The following COL21A1 variants were observed in gnomAD, a reference collection of about 807,000 sequenced individuals.
COL21A1 encodes collagen type XXI alpha 1 chain.
COL21A1 carries 149 observed loss-of-function variants against 137.9 expected under a neutral mutation model. The observed-to-expected ratio is 1.08, with a 90% CI of 0.95 to 1.24. The LOEUF (loss-of-function observed/expected upper bound fraction) is 1.24, where lower values mean the gene tolerates loss of function less well. COL21A1 is among the 50% of genes most tolerant of loss of function. The probability of loss-of-function intolerance (pLI) is 0.00; values close to 1 mark genes in which losing one functional copy is unlikely to be tolerated. For synonymous variants in COL21A1, 456 were observed against 391.5 expected (o/e 1.16, Z -1.95); for missense variants, 1,167 against 1,158.4 (o/e 1.01, Z -0.11).
At chr6:56,376,875 T>C (rs1441923870) in intron 1 of COL21A1, among the ~76,000 whole-genome samples, 2 of 118,878 alleles carry the variant, frequency 1.7e-5, no homozygotes, top group Admixed American at 2.3e-4. Flanking sequence ...CAACTGTCTA[T>C]AGAAAAAAAT....
intron 12 of COL21A1, among the ~76,000 whole-genome samples, chr6:56,130,278 TTA>T (rs142006916): frequency 2.0e-5 from 3 of 147,294 alleles, no homozygotes; most frequent in East Asian, 2.0e-4. Flanking sequence ...TACATGTATA[TTA>T]TATATATATA....
Position 56,124,220 on chromosome 6 carries a change from T to G in COL21A1, c.1704+19A>C, listed in dbSNP as rs1250854630. ...TTATTTAAAGCAAAATACTAAGAGCTTTTTTCTATCAAACTCACAGCAGGT... is the reference window on the plus strand; with the variant it reads ...TTATTTAAAGCAAAATACTAAGAGCGTTTTTCTATCAAACTCACAGCAGGT... On this transcript the variant is annotated intron_variant, in intron 15 of 29. Transcript: ENST00000244728. The G allele has an allele frequency of 6.3e-7, 1 of 1,583,978 alleles. No individual in the cohort carries two copies. The highest frequency in any genetic ancestry group is 1.2e-5 in the South Asian group (1 of 86,396).
At chr6:56,304,987 T>C (rs1205932707) in intron 1 of COL21A1, among the ~76,000 whole-genome samples, 1 of 152,256 alleles carries the variant, frequency 6.6e-6, no homozygotes, top group African/African-American at 2.4e-5. Flanking sequence ...CATTTCGTTA[T>C]GTACCCAGTA....
intron 1 of COL21A1, among the ~76,000 whole-genome samples, chr6:56,310,424 A>G (rs1222696594): frequency 1.3e-5 from 2 of 152,194 alleles, no homozygotes; most frequent in African/African-American, 4.8e-5. Flanking sequence ...GAGTTTGAGT[A>G]TCAGTATTTT....
intron 1 of COL21A1, among the ~76,000 whole-genome samples, chr6:56,325,962 AAT>A (rs1562057927): frequency 1.6e-5 from 1 of 62,204 alleles, no homozygotes; most frequent in Non-Finnish European, 2.6e-5. Flanking sequence ...TAATATATAT[AAT>A]ATATATTATA....
At chr6:56,260,737 A>C (rs796726753) in intron 1 of COL21A1, among the ~76,000 whole-genome samples, 3 of 148,434 alleles carry the variant, frequency 2.0e-5, no homozygotes, top group Admixed American at 6.8e-5. Flanking sequence ...GGCAGGAAGG[A>C]AGGAAGGAAG....
intron 12 of COL21A1, among the ~76,000 whole-genome samples, chr6:56,138,445 G>C (rs1276272955): frequency 3.3e-5 from 5 of 151,974 alleles, no homozygotes; most frequent in Non-Finnish European, 7.4e-5. Flanking sequence ...CCAACATTTA[G>C]AGAATGTGTG....
At chr6:56,251,667 C>A (rs1782858341), upstream of COL21A1, among the ~76,000 whole-genome samples, 1 of 152,194 alleles carries the variant, frequency 6.6e-6, no homozygotes, top group South Asian at 2.1e-4. Context: ...TAGCCCCTGT[C>A]CTCCCTCATG....
chr6:56,093,637 T>A (rs1769060913), intron 17 of COL21A1, among the ~76,000 whole-genome samples: 1 of 152,160 alleles, frequency 6.6e-6, no homozygotes, highest in African/African-American at 2.4e-5. Flanking sequence ...ACCACTATTC[T>A]TTTTTACTTG....
intron 12 of COL21A1, among the ~76,000 whole-genome samples, chr6:56,132,140 A>G (rs1344932663): frequency 2.0e-5 from 3 of 151,052 alleles, no homozygotes; most frequent in African/African-American, 7.3e-5. Flanking sequence ...GGCTCCATTT[A>G]TAATAAAAAC....
chr6:56,060,635 C>A (rs1765707729), intron 27 of COL21A1, 106 bp downstream of exon 27: 1 of 779,208 alleles, frequency 1.3e-6, no homozygotes. Flanking sequence ...TAAATGTTAT[C>A]TGTTTTCTTC....
chr6:56,375,864 T>C (rs922786291), intron 1 of COL21A1, among the ~76,000 whole-genome samples: 2 of 152,152 alleles, frequency 1.3e-5, no homozygotes, highest in Admixed American at 1.3e-4. Flanking sequence ...GCATTCAGTT[T>C]AGACATGTTC....
intron 1 of COL21A1, among the ~76,000 whole-genome samples, chr6:56,334,234 G>T (rs1266081660): frequency 2.0e-5 from 3 of 151,892 alleles, no homozygotes; most frequent in Non-Finnish European, 4.4e-5. Context: ...TGTCAAAGTA[G>T]GACCCCCAAG....
chr6:56,307,445 G>A (rs1045506482), intron 1 of COL21A1, among the ~76,000 whole-genome samples: 42 of 152,248 alleles, frequency 2.8e-4, no homozygotes, highest in Non-Finnish European at 5.3e-4. Context: ...CCCCAGCCTC[G>A]CTGCCGCCTT....
At chr6:56,292,409 C>A (rs1562042723) in intron 1 of COL21A1, among the ~76,000 whole-genome samples, 1 of 144,504 alleles carries the variant, frequency 6.9e-6, no homozygotes, top group African/African-American at 2.5e-5. Context: ...CCTCCCCCGC[C>A]AAAGAGAGTC....
chr6:56,184,753 T>C (rs1008207272), intron 1 of COL21A1, among the ~76,000 whole-genome samples: 3 of 152,168 alleles, frequency 2.0e-5, no homozygotes, highest in African/African-American at 4.8e-5. Flanking sequence ...TTAGAAAATA[T>C]TGGCGATGGC....
At chr6:56,289,687 A>C (rs901197314) in intron 1 of COL21A1, among the ~76,000 whole-genome samples, 1 of 152,190 alleles carries the variant, frequency 6.6e-6, no homozygotes, top group African/African-American at 2.4e-5. Flanking sequence ...GGAATCCGGG[A>C]ATACCAACCT....
At chr6:56,161,590 C>A (rs1042621807) in intron 9 of COL21A1, among the ~76,000 whole-genome samples, 8 of 152,118 alleles carry the variant, frequency 5.3e-5, no homozygotes, top group Non-Finnish European at 1.0e-4. Context: ...TTTTTATTAA[C>A]CTTTATTGTG....
intron 17 of COL21A1, among the ~76,000 whole-genome samples, chr6:56,078,787 C>T (rs1767470965): frequency 1.3e-5 from 2 of 151,666 alleles, no homozygotes; most frequent in South Asian, 4.1e-4. Flanking sequence ...ATACCATTTG[C>T]AGAGAACAAA....
Sources: allele counts gnomAD v4.1 joint callset (sites outside exome capture counted in the v4.1 genomes callset), GRCh38; gene constraint gnomAD v4.1.1; transcripts MANE v1.5; gene names NCBI Gene and HGNC (gene_info 2026-07-23, HGNC 2026-07-21).